DOCK3: variants seen among roughly 807,000 people sequenced by gnomAD.
DOCK3 encodes the protein dedicator of cytokinesis protein 3.
In DOCK3, 60 loss-of-function variants were observed where a neutral mutation model predicts 265.6. The observed-to-expected ratio is 0.23, with a 90% CI of 0.18 to 0.28. The LOEUF is 0.28. Among genes scored for constraint, DOCK3 ranks in the 10% least tolerant of loss-of-function variants. The pLI is 1.00. For missense variants in DOCK3, 1,981 were observed against 2,594.3 expected (o/e 0.76, Z 5.14); for synonymous variants, 881 against 938.0 (o/e 0.94, Z 1.11).
At chr3:51,330,607 G>T (rs1352916396) in intron 33 of DOCK3, among the ~76,000 whole-genome samples, 1 of 152,126 alleles carries the variant, frequency 6.6e-6, no homozygotes, top group Non-Finnish European at 1.5e-5. Context: ...GTTCCTGTTT[G>T]CCCTGCTTTG....
At chr3:50,740,342 C>G (rs1001306639) in intron 1 of DOCK3, among the ~76,000 whole-genome samples, 3 of 152,052 alleles carry the variant, frequency 2.0e-5, no homozygotes, top group Non-Finnish European at 2.9e-5. Context: ...ATGAATCAAT[C>G]TTGGTATCGT....
At chr3:50,821,887 A>G (rs1424395490) in intron 2 of DOCK3, among the ~76,000 whole-genome samples, 1 of 152,192 alleles carries the variant, frequency 6.6e-6, no homozygotes. Context: ...TTTTTGTACC[A>G]GTACCATGCT....
intron 40 of DOCK3, among the ~76,000 whole-genome samples, chr3:51,352,566 AG>A (rs1400922879): frequency 6.6e-6 from 1 of 152,250 alleles, no homozygotes; most frequent in African/African-American, 2.4e-5. Context: ...AAATAACAAG[AG>A]GTGTTAGGAA....
At chr3:50,745,069 G>A (rs2039336367) in intron 1 of DOCK3, among the ~76,000 whole-genome samples, 2 of 152,052 alleles carry the variant, frequency 1.3e-5, no homozygotes, top group South Asian at 4.2e-4. Context: ...ATTAAATTTA[G>A]GATGTATTTT....
chr3:50,782,150 A>G (rs181050781), intron 2 of DOCK3, among the ~76,000 whole-genome samples: 4 of 152,210 alleles, frequency 2.6e-5, no homozygotes, highest in Admixed American at 1.3e-4. Context: ...CAATATTGGG[A>G]TTGATGGGTC....
At chr3:50,895,003 A>G (rs2048825317) in intron 4 of DOCK3, among the ~76,000 whole-genome samples, 1 of 152,112 alleles carries the variant, frequency 6.6e-6, no homozygotes, top group South Asian at 2.1e-4. Context: ...ATTTACTTTC[A>G]AAGTATTGCT....
At chr3:51,320,813 G>T (rs2083669727) in intron 32 of DOCK3, among the ~76,000 whole-genome samples, 1 of 152,198 alleles carries the variant, frequency 6.6e-6, no homozygotes, top group Non-Finnish European at 1.5e-5. Flanking sequence ...TGAAAAAAAG[G>T]CAGCAGCCCC....
chr3:50,839,737 C>T (rs1210241269), intron 2 of DOCK3, among the ~76,000 whole-genome samples: 3 of 60,630 alleles, frequency 4.9e-5, no homozygotes, highest in African/African-American at 1.3e-4. Context: ...CCCTCCCCTC[C>T]CCTCCCCTCC....
At chr3:50,762,125 A>C (rs2040571417) in intron 1 of DOCK3, among the ~76,000 whole-genome samples, 7 of 152,118 alleles carry the variant, frequency 4.6e-5, no homozygotes. Context: ...GGCAGCGGGG[A>C]GGGATAGCAT....
At chr3:50,947,651 A>G (rs1221204605) in intron 5 of DOCK3, among the ~76,000 whole-genome samples, 3 of 152,122 alleles carry the variant, frequency 2.0e-5, no homozygotes, top group Admixed American at 2.0e-4. Context: ...GGTTAGCATT[A>G]GGTCAGTTAA....
At chr3:51,090,062 C>G (rs2082579173) in intron 8 of DOCK3, among the ~76,000 whole-genome samples, 168 bp from the exon 9 acceptor site, 1 of 151,824 alleles carries the variant, frequency 6.6e-6, no homozygotes, top group African/African-American at 2.4e-5. Flanking sequence ...CACCTCAACC[C>G]AAGTCTGTTG....
At position 51,277,410 on chromosome 3, in the gene DOCK3, G is replaced by A. The variant is rs935549082; in HGVS notation, c.2677-198G>A. Among the ~76,000 whole-genome samples the A allele has an allele frequency of 2.0e-5, 3 of 152,176 alleles. No individual in the cohort carries two copies. In the South Asian group the frequency reaches 6.2e-4, roughly 31 times the overall value. ...GGTAAGGCCCCAGCCACCATGCCTGGGCAGCAGTGGCAGTTGTGCCTCACC... is the reference window on the plus strand; with the variant it reads ...GGTAAGGCCCCAGCCACCATGCCTGAGCAGCAGTGGCAGTTGTGCCTCACC... On this transcript the variant is annotated intron_variant, in intron 25 of 52. Coordinates refer to ENST00000266037, the MANE Select transcript of DOCK3 (RefSeq NM_004947.5).
chr3:51,272,261 G>A (rs533379622), intron 24 of DOCK3, among the ~76,000 whole-genome samples: 1 of 144,708 alleles, frequency 6.9e-6, no homozygotes, highest in Admixed American at 7.3e-5. Flanking sequence ...ATTTTTGGTG[G>A]TTAATTTTTT....
At chr3:50,934,943 T>A (rs2051273227) in intron 5 of DOCK3, among the ~76,000 whole-genome samples, 2 of 152,242 alleles carry the variant, frequency 1.3e-5, no homozygotes, top group Admixed American at 1.3e-4. Flanking sequence ...GTAAAACACA[T>A]AATTCACCTA....
At chr3:51,148,818 C>G (rs1186932063) in intron 10 of DOCK3, among the ~76,000 whole-genome samples, 1 of 152,122 alleles carries the variant, frequency 6.6e-6, no homozygotes, top group Non-Finnish European at 1.5e-5. Context: ...ATTGTCTTGG[C>G]AATGTGGGCT....
intron 23 of DOCK3, among the ~76,000 whole-genome samples, chr3:51,262,555 G>T (rs962545654): frequency 6.6e-6 from 1 of 152,174 alleles, no homozygotes; most frequent in African/African-American, 2.4e-5. Context: ...AACAAACCTG[G>T]ACAGAGAATG....
At chr3:50,693,945 C>T (rs2035436773) in intron 1 of DOCK3, among the ~76,000 whole-genome samples, 2 of 152,050 alleles carry the variant, frequency 1.3e-5, no homozygotes, top group African/African-American at 2.4e-5. Context: ...CTCTAATAGG[C>T]CTTAAACAAA....
Position 50,934,054 on chromosome 3 carries a change from A to C in DOCK3, c.292A>C (p.Ser98Arg). ...TACAGCAACTCTACAAGAATGGGCA[A>C]GTTTGTGGAAACAGTTGTATGTGGT... ...EVTATLQEWA[S>R]LWKQLYVKHK... The change falls in exon 5 of 53, where the codon AGT becomes CGT. Residue 98 changes from serine (S) to arginine (R), a missense_variant. Ser to Arg is a moderately radical substitution (Grantham distance 110). Around this residue, in one of 4 missense-constraint regions of DOCK3, gnomAD observed 456 missense variants for 539.0 expected, o/e 0.85. Transcript: ENST00000266037. 1 of 1,610,518 alleles carries C rather than the reference A, an allele frequency of 6.2e-7. No homozygotes were observed. The highest frequency in any genetic ancestry group is 8.5e-7 in the Non-Finnish European group (1 of 1,178,044).
intron 4 of DOCK3, among the ~76,000 whole-genome samples, chr3:50,891,777 G>A (rs2048652444): frequency 1.3e-5 from 2 of 152,064 alleles, no homozygotes; most frequent in Admixed American, 6.6e-5. Flanking sequence ...CAGAAATAGA[G>A]TGCCTTAGAA....
Sources: gnomAD v4.1 joint callset for allele counts (sites outside exome capture counted in the v4.1 genomes callset) on GRCh38, gnomAD v4.1.1 for gene constraint, gnomAD v4.1.1 regional missense constraint, MANE v1.5 for transcripts, NCBI Gene and HGNC (gene_info 2026-07-23, HGNC 2026-07-21) for gene names.